The following POC5 variants were observed in gnomAD, a reference collection of about 807,000 sequenced individuals.
POC5 encodes POC5 centriolar protein.
Under a neutral mutation model 62.9 loss-of-function variants are expected in POC5, and 48 were observed. That is an observed-to-expected ratio of 0.76 (90% CI 0.61 to 0.97). The LOEUF (loss-of-function observed/expected upper bound fraction) is 0.97, where lower values mean the gene tolerates loss of function less well. Among genes scored for constraint, POC5 ranks in the 50% least tolerant of loss-of-function variants. The pLI is 0.00. For synonymous variants in POC5, 236 were observed against 228.2 expected (o/e 1.03, Z -0.31); for missense variants, 696 against 679.5 (o/e 1.02, Z -0.27).
intron 2 of POC5, 189 bp downstream of exon 2, chr5:75,712,665 T>C: frequency 1.4e-6 from 1 of 717,010 alleles, no homozygotes; most frequent in Non-Finnish European, 2.4e-6. Flanking sequence ...ATCAATATTT[T>C]CTGAAAAGTT....
At chr5:75,691,000 C>T (rs950818677) in intron 7 of POC5, among the ~76,000 whole-genome samples, 7 of 152,134 alleles carry the variant, frequency 4.6e-5, no homozygotes, top group Admixed American at 3.9e-4. Flanking sequence ...TGATGGCCAC[C>T]ACAAGCAAGA....
intron 3 of POC5, among the ~76,000 whole-genome samples, chr5:75,707,037 A>G (rs1280765532): frequency 6.6e-6 from 1 of 152,188 alleles, no homozygotes; most frequent in East Asian, 1.9e-4. Context: ...AAGGACAGGG[A>G]TCCTTGGAGT....
chr5:75,716,969 T>C (rs972001588), intron 1 of POC5, among the ~76,000 whole-genome samples: 1 of 152,350 alleles, frequency 6.6e-6, no homozygotes, highest in East Asian at 1.9e-4. Context: ...CAAAAGGCCA[T>C]AAGTTTTCTT....
intron 10 of POC5, among the ~76,000 whole-genome samples, chr5:75,679,521 G>C (rs1775796226): frequency 6.6e-6 from 1 of 152,098 alleles, no homozygotes; most frequent in Admixed American, 6.6e-5. Flanking sequence ...GTTTTTGGAA[G>C]ACCCTATGGA....
At chr5:75,687,565 G>T (rs1051909940) in intron 9 of POC5, among the ~76,000 whole-genome samples, 2 of 152,130 alleles carry the variant, frequency 1.3e-5, no homozygotes, top group African/African-American at 4.8e-5. Flanking sequence ...AGGAGCAAAA[G>T]AAATCATGTT....
At chr5:75,694,912 T>TA (rs949989654) in intron 5 of POC5, 81 bp from the exon 6 acceptor site, 6 of 1,026,492 alleles carry the variant, frequency 5.8e-6, no homozygotes, top group Non-Finnish European at 8.3e-6. Flanking sequence ...AAAGAAACAT[T>TA]AAAAAAATCA....
chr5:75,685,819 A>G (rs1776078677), intron 9 of POC5, among the ~76,000 whole-genome samples: 2 of 152,210 alleles, frequency 1.3e-5, no homozygotes, highest in Non-Finnish European at 2.9e-5. Context: ...AAATATGATC[A>G]CAGTGAGCCT....
intron 5 of POC5, among the ~76,000 whole-genome samples, chr5:75,698,845 A>G (rs188692437): frequency 9.8e-5 from 15 of 152,336 alleles, no homozygotes; most frequent in Admixed American, 9.1e-4. Context: ...AAGAAAAGCG[A>G]GAAGAATCAA....
Position 75,705,771 on chromosome 5 carries a change from T to TA in POC5, c.239dup (p.Arg81LysfsTer12). On this transcript the variant is annotated frameshift_variant, in exon 4 of 12. Coordinates refer to ENST00000428202, the MANE Select transcript of POC5 (RefSeq NM_001099271.2). LOFTEE classifies it high-confidence loss of function. ...TTCCAACTTCTATTGCAGTTTCTCT[T>TA]ACTTCAGAGTTATTTCCTGCCAAAA... is the stretch of plus-strand genomic sequence containing the variant. 1.3e-6 allele frequency: 2 copies of TA among 1,547,400 alleles called. No homozygotes were observed. The highest frequency in any genetic ancestry group is 1.7e-6 in the Non-Finnish European group (2 of 1,146,772).
At position 75,692,285 on chromosome 5, in the gene POC5, A is replaced by G. The variant is rs1580017141; in HGVS notation, c.795+111T>C. ...ATTCCTTTGAAATAAGAGGAACATT[A>G]AATCACAAATTCATTTTGACTTATT... On this transcript the variant is annotated intron_variant, in intron 7 of 11. Transcript: ENST00000428202. 19 of 710,376 alleles carry G rather than the reference A, an allele frequency of 2.7e-5. No individual in the cohort carries two copies. In the East Asian group the frequency reaches 5.6e-4, roughly 21 times the overall value. 44.0% of individuals were successfully genotyped at this position (710,376 alleles called of 1,614,324 possible). A position where few individuals can be genotyped will look rare whatever the true frequency, so the allele number is the denominator to read the frequency against.
At chr5:75,708,578 C>G (rs928618400) in intron 2 of POC5, among the ~76,000 whole-genome samples, 5 of 152,064 alleles carry the variant, frequency 3.3e-5, no homozygotes, top group African/African-American at 9.7e-5. Context: ...CCTTCTATTA[C>G]CCCCCAATTT....
At chr5:75,688,931 T>G in intron 9 of POC5, 81 bp downstream of exon 9, 1 of 1,298,108 alleles carries the variant, frequency 7.7e-7, no homozygotes, top group Non-Finnish European at 1.0e-6. Flanking sequence ...AGATTATTTG[T>G]ACTGTAGACC....
chr5:75,692,902 T>C (rs1776400989), intron 6 of POC5, among the ~76,000 whole-genome samples: 1 of 151,726 alleles, frequency 6.6e-6, no homozygotes, highest in Admixed American at 6.6e-5. Context: ...TTCTGGTCCC[T>C]ACTACTATCT....
chr5:75,685,636 TTGTCAGTATTAACTGGTTAA>T (rs1452820392), intron 9 of POC5, among the ~76,000 whole-genome samples, 152 bp from the exon 10 acceptor site: 4 of 152,216 alleles, frequency 2.6e-5, no homozygotes, highest in East Asian at 1.9e-4. Flanking sequence ...TTAATACAGT[TTGTCAGTATTAACTGGTTAA>T]TGTCAGCATT....
chr5:75,679,894 CAG>C (rs1775808028), intron 10 of POC5, among the ~76,000 whole-genome samples: 1 of 151,974 alleles, frequency 6.6e-6, no homozygotes, highest in Admixed American at 6.6e-5. Context: ...AAAATGGAAA[CAG>C]AAGAAACAGC....
intron 10 of POC5, among the ~76,000 whole-genome samples, chr5:75,683,157 A>G (rs1330423012): frequency 6.6e-6 from 1 of 152,064 alleles, no homozygotes; most frequent in East Asian, 1.9e-4. Context: ...CAAGCAAATC[A>G]GAATCATCTC....
intron 4 of POC5, among the ~76,000 whole-genome samples, chr5:75,704,071 C>G (rs1455346569): frequency 1.3e-5 from 2 of 150,896 alleles, no homozygotes; most frequent in African/African-American, 4.9e-5. Flanking sequence ...AGGAGAATTG[C>G]TTGAACCCGG....
intron 4 of POC5, chr5:75,705,317 C>A (rs1031449093): frequency 6.4e-6 from 1 of 155,722 alleles, no homozygotes; most frequent in Non-Finnish European, 1.4e-5. Flanking sequence ...TAAATGATGG[C>A]GTAACAGGTG....
rs1561485044 is a variant in POC5 at position 75,712,963 on chromosome 5, G to C, written c.-14-12C>G. 6.4e-7 allele frequency: 1 copy of C among 1,565,798 alleles called. No homozygotes were observed. Among genetic ancestry groups the C allele is most frequent in the East Asian group, 2.3e-5 (1 of 44,410 alleles). ...TCTGCACAAATGCTCTAAAACAGTA[G>C]AAGCTAACTTTAGCTTTTTTCCTTG... On this transcript the variant is annotated splice_polypyrimidine_tract_variant and intron_variant, in intron 1 of 11. Coordinates refer to ENST00000428202, the MANE Select transcript of POC5 (RefSeq NM_001099271.2).
Sources: gnomAD v4.1 joint callset for allele counts (sites outside exome capture counted in the v4.1 genomes callset) on GRCh38, gnomAD v4.1.1 for gene constraint, MANE v1.5 for transcripts, NCBI Gene and HGNC (gene_info 2026-07-23, HGNC 2026-07-21) for gene names.